Variants in SNX16 observed in about 807,000 individuals in gnomAD.
The protein encoded by SNX16 is sorting nexin-16.
SNX16 carries 35 observed loss-of-function variants against 36.7 expected under a neutral mutation model. The observed-to-expected ratio is 0.95, with a 90% CI of 0.73 to 1.27. The LOEUF (loss-of-function observed/expected upper bound fraction) is 1.27. Ranked by LOEUF, SNX16 falls within the 50% of genes most tolerant of loss-of-function variation. The pLI, the probability that SNX16 is intolerant of heterozygous loss-of-function variation, is 0.00. For missense variants in SNX16, 367 were observed against 393.6 expected (o/e 0.93, Z 0.57); for synonymous variants, 134 against 132.0 (o/e 1.02, Z -0.10).
At position 81,812,899 on chromosome 8, in the gene SNX16, T is replaced by C. The variant is rs191898509; in HGVS notation, c.681+2426A>G. 5.1e-4 allele frequency among the ~76,000 whole-genome samples: 77 copies of C among 152,110 alleles called. 1 individual carries two copies. In the East Asian group the frequency reaches 0.013, roughly 26 times the overall value. ...GAAAGAGGGAGGAAACGGAGAGATA[T>C]TGGAGCCAAGTTTATATTTCACTGA... On this transcript the variant is annotated intron_variant, in intron 5 of 7. Transcript: ENST00000345957.
In SNX16 at chr8:81,839,820, C is replaced by A. The variant is rs1389289215; in HGVS notation, c.167G>T (p.Ser56Ile). 2.5e-6 allele frequency: 4 copies of A among 1,613,708 alleles called. No individual in the cohort carries two copies. The highest frequency in any genetic ancestry group is 3.4e-6 in the Non-Finnish European group (4 of 1,179,646). The change falls in exon 2 of 8, where the codon AGT becomes ATT. Residue 56 changes from serine (S) to isoleucine (I), a missense_variant. Ser to Ile is a moderately radical substitution (Grantham distance 142). Transcript: ENST00000345957. ...DSNMGNFKQT[S>I]VPDQMDNTSS... ...AGTATTATCCATTTGATCAGGAACA[C>A]TTGTCTGTTTAAAATTACCCATATT...
At chr8:81,838,358 A>G (rs1811586657) in intron 2 of SNX16, among the ~76,000 whole-genome samples, 1 of 152,174 alleles carries the variant, frequency 6.6e-6, no homozygotes, top group East Asian at 1.9e-4. Context: ...GCCATCCTGA[A>G]GAAAAAAGCT....
At chr8:81,826,229 C>G (rs1181934319) in intron 3 of SNX16, among the ~76,000 whole-genome samples, 1 of 152,096 alleles carries the variant, frequency 6.6e-6, no homozygotes, top group African/African-American at 2.4e-5. Flanking sequence ...TAGGAGAGAG[C>G]AGCGTGACTC....
intron 4 of SNX16, among the ~76,000 whole-genome samples, chr8:81,823,509 C>A (rs888703832): frequency 6.6e-6 from 1 of 151,948 alleles, no homozygotes; most frequent in Non-Finnish European, 1.5e-5. Context: ...TGCTAAAATA[C>A]AAAATACTAA....
At position 81,800,708 on chromosome 8, in the gene SNX16, C is replaced by T. The variant is rs775829133; in HGVS notation, c.*789G>A. On this transcript the variant is annotated 3_prime_UTR_variant, in exon 8 of 8. Coordinates refer to ENST00000345957, the MANE Select transcript of SNX16 (RefSeq NM_152836.3). ...CCTATTTATTTAGAATCTATATTTT[C>T]GAAAGAATATGCCTTAACAAAAGGA... is the stretch of plus-strand genomic sequence containing the variant. 2.0e-5 allele frequency: 3 copies of T among 151,824 alleles called. No individual in the cohort carries two copies. Among genetic ancestry groups the T allele is most frequent in the African/African-American group, 4.8e-5 (2 of 41,310 alleles). 9.4% of individuals were successfully genotyped at this position (151,824 alleles called of 1,614,324 possible).
chr8:81,810,576 G>C (rs1274246026), intron 5 of SNX16, among the ~76,000 whole-genome samples: 1 of 152,098 alleles, frequency 6.6e-6, no homozygotes, highest in Admixed American at 6.5e-5. Flanking sequence ...TACAACTGTA[G>C]GAAAATGCAT....
intron 3 of SNX16, among the ~76,000 whole-genome samples, chr8:81,827,792 G>T (rs190344258): frequency 1.3e-5 from 2 of 152,088 alleles, no homozygotes; most frequent in Admixed American, 6.6e-5. Context: ...GCTTCAAGGA[G>T]TCCAAAGAAG....
At chr8:81,826,530 T>G (rs1272698335) in intron 3 of SNX16, among the ~76,000 whole-genome samples, 1 of 152,168 alleles carries the variant, frequency 6.6e-6, no homozygotes, top group African/African-American at 2.4e-5. Flanking sequence ...ATGGCCATAT[T>G]TCTACAATCA....
chr8:81,803,346 T>C, intron 5 of SNX16, 118 bp from the exon 6 acceptor site: 1 of 1,037,540 alleles, frequency 9.6e-7, no homozygotes, highest in Non-Finnish European at 1.3e-6. Context: ...ATAATCAAAA[T>C]AATAGTATGA....
rs148476279 is a variant in SNX16, at chr8:81,829,220, C to T, written c.462+210G>A. Among the ~76,000 whole-genome samples, 29 of 145,630 alleles carry T rather than the reference C, an allele frequency of 2.0e-4. No individual in the cohort carries two copies. The East Asian group carries it at 4.0e-3, about 20-fold the overall frequency. ...CTTATACACATCTTTTTCAGACTCA[C>T]AAGATAATTATTTATATTTCTGTTG... is the stretch of plus-strand genomic sequence containing the variant. On this transcript the variant is annotated intron_variant, in intron 3 of 7. Transcript: ENST00000345957.
intron 4 of SNX16, among the ~76,000 whole-genome samples, chr8:81,820,289 C>T (rs1262102938): frequency 6.6e-6 from 1 of 151,978 alleles, no homozygotes; most frequent in African/African-American, 2.4e-5. Context: ...CCCTCTTCTC[C>T]TACTTTGTTG....
chr8:81,826,135 G>A (rs181946103), intron 3 of SNX16, among the ~76,000 whole-genome samples: 1 of 151,532 alleles, frequency 6.6e-6, no homozygotes, highest in African/African-American at 2.4e-5. Context: ...ACAAAGGAGA[G>A]AAATGAAAAA....
intron 5 of SNX16, among the ~76,000 whole-genome samples, chr8:81,804,047 TTAC>T: frequency 6.6e-6 from 1 of 151,780 alleles, no homozygotes; most frequent in East Asian, 1.9e-4. Context: ...ACAAATCAGT[TTAC>T]TATAAAATTG....
chr8:81,832,792 C>CAT (rs2130750550), intron 2 of SNX16, among the ~76,000 whole-genome samples: 1 of 150,072 alleles, frequency 6.7e-6, no homozygotes, highest in East Asian at 1.9e-4. Flanking sequence ...CTCAGAGAAG[C>CAT]ATCTAGTAGT....
At chr8:81,802,171 T>G (rs1229008867) in intron 7 of SNX16, among the ~76,000 whole-genome samples, 1 of 151,748 alleles carries the variant, frequency 6.6e-6, no homozygotes, top group African/African-American at 2.4e-5. Context: ...ACTTACATCC[T>G]GATGTCAAAG....
At chr8:81,836,341 C>A (rs763392204) in intron 2 of SNX16, among the ~76,000 whole-genome samples, 1 of 152,170 alleles carries the variant, frequency 6.6e-6, no homozygotes, top group Non-Finnish European at 1.5e-5. Flanking sequence ...GTTTGTATCT[C>A]CAGCTTATAC....
At chr8:81,812,886 A>C (rs1171518662) in intron 5 of SNX16, among the ~76,000 whole-genome samples, 2 of 152,062 alleles carry the variant, frequency 1.3e-5, no homozygotes, top group African/African-American at 2.4e-5. Flanking sequence ...AAGAGGGAGG[A>C]AACGGAGAGA....
chr8:81,822,966 ATATATATATACACATATGTG>A (rs1810838680), intron 4 of SNX16, among the ~76,000 whole-genome samples: 1 of 126,934 alleles, frequency 7.9e-6, no homozygotes, highest in Non-Finnish European at 1.7e-5. Context: ...ATATATATAT[ATATATATATACACATATGTG>A]TGTGTATATC....
At chr8:81,803,465 T>TA (rs1311296891) in intron 5 of SNX16, among the ~76,000 whole-genome samples, 1 of 151,992 alleles carries the variant, frequency 6.6e-6, no homozygotes, top group Admixed American at 6.5e-5. Context: ...TCTTAAGACT[T>TA]ACAGTAGTAA....
Sources: gnomAD v4.1 joint callset for allele counts (sites outside exome capture counted in the v4.1 genomes callset) on GRCh38, gnomAD v4.1.1 for gene constraint, MANE v1.5 for transcripts, NCBI Gene and HGNC (gene_info 2026-07-23, HGNC 2026-07-21) for gene names.